The following NKAIN3 variants were observed in gnomAD, a reference collection of about 807,000 sequenced individuals.
NKAIN3 encodes sodium/potassium-transporting ATPase subunit beta-1-interacting protein 3.
Under a neutral mutation model 30.2 loss-of-function variants are expected in NKAIN3, and 25 were observed. The ratio of observed to expected loss-of-function variants is 0.83; its 90% CI spans 0.60 to 1.16. The LOEUF (loss-of-function observed/expected upper bound fraction) is 1.16. Ranked by LOEUF, NKAIN3 falls within the 50% of genes most tolerant of loss-of-function variation. NKAIN3 has a pLI of 0.00. For missense variants in NKAIN3, 225 were observed against 254.1 expected, an observed-to-expected ratio of 0.89 and a Z score of 0.78; for synonymous variants, 91 against 89.6, an observed-to-expected ratio of 1.02 and a Z score of -0.09.
intron 3 of NKAIN3, among the ~76,000 whole-genome samples, chr8:62,646,692 T>C (rs1364944573): frequency 2.6e-5 from 4 of 152,106 alleles, no homozygotes; most frequent in African/African-American, 9.7e-5. Flanking sequence ...ACCCTAAAAA[T>C]CACCATCGGC....
intron 4 of NKAIN3, among the ~76,000 whole-genome samples, chr8:62,769,404 A>G (rs902763328): frequency 6.6e-6 from 1 of 152,156 alleles, no homozygotes; most frequent in East Asian, 1.9e-4. Flanking sequence ...ACCCTCCCCA[A>G]TTGTCTTGTT....
chr8:62,949,757 A>G (rs1823232404), intron 5 of NKAIN3, among the ~76,000 whole-genome samples: 1 of 151,746 alleles, frequency 6.6e-6, no homozygotes, highest in Admixed American at 6.6e-5. Context: ...TTTCACTTCC[A>G]GGATCTAATA....
chr8:62,614,048 T>C (rs1049048871), intron 3 of NKAIN3, among the ~76,000 whole-genome samples: 5 of 152,114 alleles, frequency 3.3e-5, no homozygotes, highest in African/African-American at 9.7e-5. Context: ...TTGGTGAGGT[T>C]ATATTTTTCT....
intron 4 of NKAIN3, among the ~76,000 whole-genome samples, chr8:62,774,470 C>A (rs1040209406): frequency 5.3e-5 from 8 of 152,148 alleles, no homozygotes; most frequent in African/African-American, 1.9e-4. Context: ...AAGTGAGCAT[C>A]CTTGTCATGT....
chr8:62,519,227 G>A (rs2129776547), intron 1 of NKAIN3, among the ~76,000 whole-genome samples: 1 of 152,254 alleles, frequency 6.6e-6, no homozygotes, highest in East Asian at 1.9e-4. Flanking sequence ...TCAAGGAAAA[G>A]ATGGAAGGAG....
rs149949598 is a variant in NKAIN3, at chr8:62,582,805, G to C, written c.192+3129G>C. Among the ~76,000 whole-genome samples the C allele has an allele frequency of 7.3e-4, 108 of 148,258 alleles. 1 individual carries two copies. In the Middle Eastern group the frequency reaches 0.021, roughly 28 times the overall value. ...GCGCAGGTTCTGGGGCTCTCTAGAG[G>C]TGAGTAAATGGCAGTGAAGAGGAAT... is the stretch of plus-strand genomic sequence containing the variant. On this transcript the variant is annotated intron_variant, in intron 2 of 6. Transcript: ENST00000623646.
chr8:62,345,083 G>C (rs181656852), intron 1 of NKAIN3, among the ~76,000 whole-genome samples: 3 of 151,580 alleles, frequency 2.0e-5, no homozygotes, highest in African/African-American at 7.3e-5. Flanking sequence ...AAATGGGATT[G>C]CTTTCTTGAT....
At chr8:62,869,952 A>C (rs1345307676) in intron 4 of NKAIN3, among the ~76,000 whole-genome samples, 1 of 151,624 alleles carries the variant, frequency 6.6e-6, no homozygotes, top group Non-Finnish European at 1.5e-5. Context: ...TTGTATTTTT[A>C]GTAGAGACGG....
At chr8:62,279,033 T>C (rs1585626162) in intron 1 of NKAIN3, among the ~76,000 whole-genome samples, 1 of 152,140 alleles carries the variant, frequency 6.6e-6, no homozygotes, top group Non-Finnish European at 1.5e-5. Context: ...ATCCTCCCCA[T>C]CACCTGTTGT....
intron 5 of NKAIN3, among the ~76,000 whole-genome samples, chr8:62,931,618 C>T (rs1376096893): frequency 6.6e-6 from 1 of 152,142 alleles, no homozygotes; most frequent in East Asian, 1.9e-4. Flanking sequence ...TACCCAAATT[C>T]TAAGAAGATT....
At chr8:62,412,927 A>C (rs936669589) in intron 1 of NKAIN3, among the ~76,000 whole-genome samples, 11 of 150,628 alleles carry the variant, frequency 7.3e-5, no homozygotes, top group Admixed American at 3.3e-4. Context: ...AAAAACAAAA[A>C]AAAAAAAACA....
chr8:62,309,874 T>TA (rs1027021155), intron 1 of NKAIN3, among the ~76,000 whole-genome samples: 4 of 150,484 alleles, frequency 2.7e-5, no homozygotes, highest in African/African-American at 1.0e-4. Context: ...CAACATACCC[T>TA]GAAATAGATG....
chr8:62,923,610 G>C (rs1374907028), intron 5 of NKAIN3, among the ~76,000 whole-genome samples: 2 of 152,178 alleles, frequency 1.3e-5, no homozygotes, highest in Non-Finnish European at 2.9e-5. Flanking sequence ...GTCAGAACAA[G>C]AGCTTAATTT....
At chr8:62,550,219 C>T (rs35029520) in intron 1 of NKAIN3, among the ~76,000 whole-genome samples, 1 of 152,016 alleles carries the variant, frequency 6.6e-6, no homozygotes, top group South Asian at 2.1e-4. Flanking sequence ...TATTTTCATG[C>T]CTGCTCCCCT....
At chr8:62,587,444 A>G (rs185367359) in intron 2 of NKAIN3, among the ~76,000 whole-genome samples, 225 of 152,182 alleles carry the variant, frequency 1.5e-3, no homozygotes, top group African/African-American at 5.3e-3. Context: ...TGCCAATTAT[A>G]GAACATATAT....
chr8:62,660,868 G>A (rs1812923324), intron 3 of NKAIN3, among the ~76,000 whole-genome samples: 1 of 152,178 alleles, frequency 6.6e-6, no homozygotes, highest in African/African-American at 2.4e-5. Context: ...GCTGCAACTC[G>A]AACCCATTCA....
At chr8:62,897,156 A>G (rs1821452855) in intron 4 of NKAIN3, among the ~76,000 whole-genome samples, 1 of 152,202 alleles carries the variant, frequency 6.6e-6, no homozygotes, top group Non-Finnish European at 1.5e-5. Flanking sequence ...GGGTTGTCTA[A>G]AGAGGAGGAA....
chr8:62,933,082 C>T (rs1371624375), intron 5 of NKAIN3, among the ~76,000 whole-genome samples: 1 of 151,700 alleles, frequency 6.6e-6, no homozygotes, highest in Non-Finnish European at 1.5e-5. Flanking sequence ...TCAGGTCACA[C>T]CACTTCAGAT....
At chr8:62,908,195 G>T (rs1381651944) in intron 4 of NKAIN3, among the ~76,000 whole-genome samples, 2 of 152,170 alleles carry the variant, frequency 1.3e-5, no homozygotes, top group African/African-American at 4.8e-5. Flanking sequence ...GGGGCCTGTA[G>T]CTCCTTTGTT....
Sources: allele counts gnomAD v4.1 joint callset (sites outside exome capture counted in the v4.1 genomes callset), GRCh38; gene constraint gnomAD v4.1.1; transcripts MANE v1.5; gene names NCBI Gene and HGNC (gene_info 2026-07-23, HGNC 2026-07-21).